The following SCAI variants were observed in gnomAD, a reference collection of about 807,000 sequenced individuals.
SCAI encodes the protein suppressor of cancer cell invasion.
In SCAI, 24 loss-of-function variants were observed where a neutral mutation model predicts 92.2. That is an observed-to-expected ratio of 0.26 (90% CI 0.19 to 0.37). SCAI has a LOEUF of 0.37. SCAI is among the 10% of genes least tolerant of loss of function. The probability of loss-of-function intolerance (pLI) is 1.00; values close to 1 mark genes in which losing one functional copy is unlikely to be tolerated. For synonymous variants in SCAI, 261 were observed against 258.6 expected, an observed-to-expected ratio of 1.01 and a Z score of -0.09; for missense variants, 450 against 736.2, an observed-to-expected ratio of 0.61 and a Z score of 4.50.
intron 2 of SCAI, among the ~76,000 whole-genome samples, chr9:125,059,856 C>T (rs1269272536): frequency 6.6e-6 from 1 of 152,194 alleles, no homozygotes; most frequent in African/African-American, 2.4e-5. Flanking sequence ...CAAGGAAATA[C>T]TTGAAAGCCT....
intron 14 of SCAI, among the ~76,000 whole-genome samples, chr9:124,988,446 C>T (rs916450544): frequency 4.3e-4 from 65 of 151,840 alleles, no homozygotes; most frequent in Admixed American, 1.3e-4. Flanking sequence ...TAAATGATCA[C>T]TGATATTCTC....
At chr9:125,059,432 T>A (rs1055777018) in intron 2 of SCAI, among the ~76,000 whole-genome samples, 2 of 152,082 alleles carry the variant, frequency 1.3e-5, no homozygotes, top group African/African-American at 4.8e-5. Flanking sequence ...TAGACAGGAG[T>A]AAATTTCAAT....
At chr9:124,979,279 C>T (rs1831828552) in intron 14 of SCAI, among the ~76,000 whole-genome samples, 1 of 151,914 alleles carries the variant, frequency 6.6e-6, no homozygotes, top group Admixed American at 6.6e-5. Context: ...GTGTCTCATG[C>T]CTGTAATCCC....
chr9:124,957,282 C>T (rs1399797770), intron 17 of SCAI, among the ~76,000 whole-genome samples: 1 of 152,114 alleles, frequency 6.6e-6, no homozygotes, highest in Non-Finnish European at 1.5e-5. Flanking sequence ...AGTGAGCCAG[C>T]ATACCCAGCC....
In SCAI at chr9:124,945,007, A is replaced by C. The variant is rs376947604; in HGVS notation, c.*7800T>G. On this transcript the variant is annotated 3_prime_UTR_variant, in exon 18 of 18. Transcript: ENST00000336505. ...TTTCATTCCATAAGCCTAGGAGAAA[A>C]GTATAAAACCTAAAATTACCTATGT... The C allele has an allele frequency of 6.6e-6, 1 of 152,328 alleles. No individual in the cohort carries two copies. Among genetic ancestry groups the C allele is most frequent in the Admixed American group, 6.5e-5 (1 of 15,296 alleles). The allele number at this position is 152,328 out of a possible 1,614,324, so 9.4% of individuals were successfully genotyped here. A position where few individuals can be genotyped will look rare whatever the true frequency, so the allele number is the denominator to read the frequency against.
intron 2 of SCAI, among the ~76,000 whole-genome samples, chr9:125,077,829 G>A (rs866832582): frequency 4.0e-5 from 6 of 151,716 alleles, no homozygotes; most frequent in Non-Finnish European, 7.4e-5. Context: ...AGCTATTCTC[G>A]TGCCTCGGCC....
intron 2 of SCAI, among the ~76,000 whole-genome samples, chr9:125,102,084 G>A (rs1011543878): frequency 6.6e-6 from 1 of 151,998 alleles, no homozygotes; most frequent in Non-Finnish European, 1.5e-5. Context: ...GATGTCTAGC[G>A]GCATCCCTGG....
chr9:125,037,450 T>TTTAG (rs1833223019), intron 3 of SCAI, among the ~76,000 whole-genome samples: 1 of 151,614 alleles, frequency 6.6e-6, no homozygotes, highest in Non-Finnish European at 1.5e-5. Flanking sequence ...GAAAAAAAAG[T>TTTAG]ACAAGTTGAA....
At chr9:125,051,402 C>T (rs1833558357) in intron 3 of SCAI, among the ~76,000 whole-genome samples, 2 of 152,310 alleles carry the variant, frequency 1.3e-5, no homozygotes, top group African/African-American at 2.4e-5. Context: ...CTTATCCACT[C>T]TTCCAGGTGA....
chr9:124,975,440 G>T, intron 15 of SCAI: 1 of 427,388 alleles, frequency 2.3e-6, no homozygotes, highest in Non-Finnish European at 4.7e-6. Context: ...TGCTAAAACA[G>T]TGTTAAGGTT....
intron 2 of SCAI, among the ~76,000 whole-genome samples, chr9:125,107,714 G>C (rs923528151): frequency 6.6e-6 from 1 of 152,196 alleles, no homozygotes; most frequent in Non-Finnish European, 1.5e-5. Context: ...GCTGCAGTGA[G>C]TTATGATTGT....
chr9:124,965,934 A>G (rs532912276), intron 17 of SCAI, among the ~76,000 whole-genome samples: 1 of 152,280 alleles, frequency 6.6e-6, no homozygotes, highest in African/African-American at 2.4e-5. Flanking sequence ...ACAATACACA[A>G]TTTACTGGAG....
chr9:125,108,083 C>T (rs1476265439), intron 2 of SCAI, among the ~76,000 whole-genome samples: 1 of 152,280 alleles, frequency 6.6e-6, no homozygotes, highest in African/African-American at 2.4e-5. Flanking sequence ...ATCTGCCAGC[C>T]TGGGCCTCCC....
intron 14 of SCAI, among the ~76,000 whole-genome samples, chr9:124,977,492 A>G (rs1458592560): frequency 1.3e-5 from 2 of 152,100 alleles, no homozygotes; most frequent in Non-Finnish European, 2.9e-5. Context: ...TGGGCAAAAT[A>G]GTGAGACCCC....
At chr9:125,098,829 T>C (rs1299857700) in intron 2 of SCAI, among the ~76,000 whole-genome samples, 1 of 152,162 alleles carries the variant, frequency 6.6e-6, no homozygotes, top group African/African-American at 2.4e-5. Flanking sequence ...ACTGGAGATG[T>C]TTTGTTGTTG....
chr9:125,025,288 C>T (rs556202658), intron 6 of SCAI, among the ~76,000 whole-genome samples: 122 of 152,274 alleles, frequency 8.0e-4, no homozygotes, highest in African/African-American at 2.9e-3. Context: ...AATCCTACTT[C>T]TAAATAATAT....
chr9:124,961,237 C>A (rs1831429096), intron 17 of SCAI, among the ~76,000 whole-genome samples: 1 of 149,866 alleles, frequency 6.7e-6, no homozygotes, highest in Non-Finnish European at 1.5e-5. Context: ...AGTTCAAGAT[C>A]AGCCTAGGCA....
intron 14 of SCAI, among the ~76,000 whole-genome samples, chr9:124,991,488 A>G (rs1481232607): frequency 6.6e-6 from 1 of 152,112 alleles, no homozygotes; most frequent in Non-Finnish European, 1.5e-5. Flanking sequence ...TAAAACATAT[A>G]TAGCAAAGAA....
At chr9:124,985,086 T>A (rs1191318714) in intron 14 of SCAI, among the ~76,000 whole-genome samples, 1 of 152,180 alleles carries the variant, frequency 6.6e-6, no homozygotes, top group Non-Finnish European at 1.5e-5. Flanking sequence ...TCGCCCTGCA[T>A]TAAACTGGAA....
Sources: gnomAD v4.1 joint callset for allele counts (sites outside exome capture counted in the v4.1 genomes callset) on GRCh38, gnomAD v4.1.1 for gene constraint, MANE v1.5 for transcripts, NCBI Gene and HGNC (gene_info 2026-07-23, HGNC 2026-07-21) for gene names.